The following CALN1 variants were observed in gnomAD, a reference collection of about 807,000 sequenced individuals.
The protein encoded by CALN1 is calneuron 1, also known as calcium-binding protein 8.
Under a neutral mutation model 30.6 loss-of-function variants are expected in CALN1, and 17 were observed. The ratio of observed to expected loss-of-function variants is 0.56; its 90% CI spans 0.38 to 0.83. The LOEUF (loss-of-function observed/expected upper bound fraction) is 0.83. Among genes scored for constraint, CALN1 ranks in the 40% least tolerant of loss-of-function variants. CALN1 has a pLI of 0.00. For synonymous variants in CALN1, 156 were observed against 131.4 expected, an observed-to-expected ratio of 1.19 and a Z score of -1.28; for missense variants, 291 against 354.9, an observed-to-expected ratio of 0.82 and a Z score of 1.45.
intron 2 of CALN1, among the ~76,000 whole-genome samples, chr7:72,317,097 AGGG>A (rs1193918078): frequency 2.2e-5 from 3 of 134,494 alleles, no homozygotes; most frequent in African/African-American, 8.1e-5. Context: ...AGAGAGAGGG[AGGG>A]AGGAAGGGAG....
intron 5 of CALN1, among the ~76,000 whole-genome samples, chr7:71,827,267 T>G (rs373952129): frequency 1.3e-4 from 20 of 152,302 alleles, no homozygotes; most frequent in Admixed American, 4.6e-4. Flanking sequence ...AGGACTGGGC[T>G]GTCGGCATGC....
intron 2 of CALN1, among the ~76,000 whole-genome samples, chr7:72,317,742 T>A (rs1213997100): frequency 6.6e-6 from 1 of 152,070 alleles, no homozygotes; most frequent in Non-Finnish European, 1.5e-5. Flanking sequence ...GAACATTACT[T>A]CCAGTCTTTC....
chr7:72,354,853 G>A (rs1803130464), intron 2 of CALN1, among the ~76,000 whole-genome samples: 1 of 151,360 alleles, frequency 6.6e-6, no homozygotes, highest in Non-Finnish European at 1.5e-5. Context: ...GAAAACCCAG[G>A]AGAAAATTTT....
intron 3 of CALN1, among the ~76,000 whole-genome samples, chr7:72,108,779 T>A (rs1173255052): frequency 1.3e-5 from 2 of 152,154 alleles, no homozygotes; most frequent in Admixed American, 1.3e-4. Context: ...CAAGTCCCTA[T>A]TAAATGTTTC....
intron 2 of CALN1, 123 bp downstream of exon 2, chr7:72,403,128 T>C: frequency 1.5e-6 from 1 of 662,368 alleles, no homozygotes; most frequent in South Asian, 2.1e-5. Context: ...GGTGTCCATT[T>C]CATAGATTCT....
intron 3 of CALN1, among the ~76,000 whole-genome samples, chr7:72,185,854 T>G (rs1476124369): frequency 6.6e-6 from 1 of 152,156 alleles, no homozygotes; most frequent in Non-Finnish European, 1.5e-5. Context: ...CTCTTTGCCT[T>G]CCCCCATGAT....
At chr7:72,263,167 T>C (rs907980729) in intron 3 of CALN1, among the ~76,000 whole-genome samples, 2 of 152,214 alleles carry the variant, frequency 1.3e-5, no homozygotes, top group African/African-American at 2.4e-5. Context: ...ATAATTACTA[T>C]TCCTGCTATT....
At chr7:71,821,723 T>G (rs1316311600) in intron 5 of CALN1, among the ~76,000 whole-genome samples, 1 of 151,990 alleles carries the variant, frequency 6.6e-6, no homozygotes, top group Non-Finnish European at 1.5e-5. Context: ...TGGAAAAAAA[T>G]CTATTTTTGT....
chr7:72,230,627 CTCT>C (rs1186748820), intron 3 of CALN1, among the ~76,000 whole-genome samples: 4 of 152,074 alleles, frequency 2.6e-5, no homozygotes, highest in African/African-American at 9.7e-5. Context: ...TGCAGGCAGA[CTCT>C]ATAGAAGTTC....
intron 5 of CALN1, among the ~76,000 whole-genome samples, chr7:71,882,108 T>A (rs549804381): frequency 6.6e-6 from 1 of 152,184 alleles, no homozygotes; most frequent in Non-Finnish European, 1.5e-5. Context: ...AATCAAGGCA[T>A]CAGCAGGATC....
In CALN1 at chr7:72,403,348, C is replaced by A; in HGVS notation, c.22G>T (p.Gly8Ter). 2 of 1,548,492 alleles carry A rather than the reference C, an allele frequency of 1.3e-6. No homozygotes were observed. Among genetic ancestry groups the A allele is most frequent in the Non-Finnish European group, 8.7e-7 (1 of 1,146,916 alleles). The change falls in exon 2 of 7, where the codon GGA becomes TGA. Residue 8 changes from glycine to a stop codon, truncating the protein, a stop_gained. Coordinates refer to ENST00000395275, the MANE Select transcript of CALN1 (RefSeq NM_031468.4). LOFTEE classifies it high-confidence loss of function. MRLPEQP[G>*]EGKPENEKKG... Reference sequence around the variant, plus strand: ...TTCTCATTCTCGGGCTTCCCCTCTCCGGGTTGCTCTGGCAGCCGCATCGGG... The same window carrying A: ...TTCTCATTCTCGGGCTTCCCCTCTCAGGGTTGCTCTGGCAGCCGCATCGGG...
intron 2 of CALN1, among the ~76,000 whole-genome samples, chr7:72,401,055 G>A (rs1314326946): frequency 1.3e-5 from 2 of 152,252 alleles, no homozygotes; most frequent in South Asian, 4.2e-4. Context: ...TGAGAGGAGG[G>A]CCCTGGTGCC....
chr7:71,869,213 C>G (rs926186909), intron 5 of CALN1, among the ~76,000 whole-genome samples: 5 of 144,600 alleles, frequency 3.5e-5, no homozygotes. Context: ...GGAAAAAACA[C>G]TTTTTTTTTT....
chr7:72,164,943 C>CCTTAGTCT (rs1554461583), intron 3 of CALN1, among the ~76,000 whole-genome samples: 4 of 151,866 alleles, frequency 2.6e-5, no homozygotes, highest in African/African-American at 9.7e-5. Flanking sequence ...GATCCTCCTG[C>CCTTAGTCT]CTCAGTCTTC....
intron 3 of CALN1, among the ~76,000 whole-genome samples, chr7:72,154,723 T>A (rs1787528783): frequency 6.6e-6 from 1 of 152,048 alleles, no homozygotes; most frequent in African/African-American, 2.4e-5. Context: ...TAAGGCTTAA[T>A]CCGATAAGGC....
intron 4 of CALN1, among the ~76,000 whole-genome samples, chr7:72,071,477 C>T (rs1368050446): frequency 2.0e-5 from 3 of 151,470 alleles, no homozygotes; most frequent in African/African-American, 7.3e-5. Context: ...TATTTAAAAG[C>T]AATCACACAT....
At chr7:71,904,643 G>C (rs190268849) in intron 5 of CALN1, among the ~76,000 whole-genome samples, 1 of 152,178 alleles carries the variant, frequency 6.6e-6, no homozygotes, top group South Asian at 2.1e-4. Context: ...ACAGCAAGCT[G>C]ACTATAGTCA....
intron 3 of CALN1, among the ~76,000 whole-genome samples, chr7:72,210,591 A>G (rs545639212): frequency 1.3e-5 from 2 of 152,206 alleles, no homozygotes; most frequent in East Asian, 1.9e-4. Flanking sequence ...CCTTATTCAC[A>G]AGGAGGTAGG....
chr7:72,175,030 T>G (rs1285799365), intron 3 of CALN1, among the ~76,000 whole-genome samples: 1 of 152,208 alleles, frequency 6.6e-6, no homozygotes, highest in Middle Eastern at 3.4e-3. Context: ...ATTGCACAAT[T>G]TAAATATGTG....
Sources: allele counts gnomAD v4.1 joint callset (sites outside exome capture counted in the v4.1 genomes callset), GRCh38; gene constraint gnomAD v4.1.1; transcripts MANE v1.5; gene names NCBI Gene and HGNC (gene_info 2026-07-23, HGNC 2026-07-21).